PTPRG: variants seen among roughly 807,000 people sequenced by gnomAD.
The protein encoded by PTPRG is protein tyrosine phosphatase receptor type G.
In PTPRG, 102 loss-of-function variants were observed where a neutral mutation model predicts 165.3. That is an observed-to-expected ratio of 0.62 (90% confidence interval 0.53 to 0.73). PTPRG has a LOEUF of 0.73. Among genes scored for constraint, PTPRG ranks in the 30% least tolerant of loss-of-function variants. The pLI is 0.00. For missense variants in PTPRG, 1,866 were observed against 1,861.4 expected, an observed-to-expected ratio of 1.00 and a Z score of -0.05; for synonymous variants, 675 against 669.5, an observed-to-expected ratio of 1.01 and a Z score of -0.13.
chr3:61,953,233 G>GC (rs963073300), intron 2 of PTPRG, among the ~76,000 whole-genome samples: 6 of 151,986 alleles, frequency 3.9e-5, no homozygotes, highest in Non-Finnish European at 8.8e-5. Flanking sequence ...GGCTTTTCTT[G>GC]CCCCCAGCTA....
At chr3:61,633,513 T>A (rs1701823737) in intron 1 of PTPRG, among the ~76,000 whole-genome samples, 1 of 152,260 alleles carries the variant, frequency 6.6e-6, no homozygotes, top group Non-Finnish European at 1.5e-5. Flanking sequence ...AAAAATACGA[T>A]TGATTTTTTG....
At position 62,195,834 on chromosome 3, in the gene PTPRG, C is replaced by T. The variant is rs1432390952; in HGVS notation, c.1327+664C>T. Among the ~76,000 whole-genome samples, 1 of 152,046 alleles carries T rather than the reference C, an allele frequency of 6.6e-6. No homozygotes were observed. The highest frequency in any genetic ancestry group is 1.5e-5 in the Non-Finnish European group (1 of 68,014). On this transcript the variant is annotated intron_variant, in intron 10 of 29. Transcript: ENST00000474889. This position sits in a 1 kb window ranked among gnomAD's most constrained non-coding sequence, Gnocchi z 4.4. ...TTTGAGATGAAGTCTCGCTCTGTTG[C>T]CCAAGCTGGAGTGCAGTGGGGTGGT...
chr3:61,760,614 A>G (rs779770699), intron 2 of PTPRG, among the ~76,000 whole-genome samples: 15 of 152,020 alleles, frequency 9.9e-5, no homozygotes, highest in African/African-American at 3.6e-4. Context: ...TTTACATTTT[A>G]TTTTAAGTTC....
At chr3:61,706,791 G>GTATTAT (rs541054128) in intron 1 of PTPRG, among the ~76,000 whole-genome samples, 65 of 151,668 alleles carry the variant, frequency 4.3e-4, no homozygotes, top group Non-Finnish European at 9.1e-4. Flanking sequence ...TGCCCGGCCA[G>GTATTAT]TATTATTATT....
In PTPRG at chr3:62,002,685, T is replaced by C. The variant is rs142490281; in HGVS notation, c.371-664T>C. ...TCTTTGGATGGGTTAAGGGAAAATA[T>C]TTTTTTGCTTGAAAGTAAAAGAAAC... is the stretch of plus-strand genomic sequence containing the variant. On this transcript the variant is annotated intron_variant, in intron 3 of 29. Transcript: ENST00000474889. Among the ~76,000 whole-genome samples the C allele has an allele frequency of 6.0e-3, 912 of 152,268 alleles. 15 individuals carry two copies. The highest frequency in any genetic ancestry group is 0.021 in the African/African-American group (870 of 41,548).
chr3:61,895,889 T>G (rs932989935), intron 2 of PTPRG, among the ~76,000 whole-genome samples: 40 of 152,326 alleles, frequency 2.6e-4, no homozygotes, highest in African/African-American at 9.4e-4. Flanking sequence ...TTATTCAGAT[T>G]GTAGGTTCAC....
intron 12 of PTPRG, among the ~76,000 whole-genome samples, chr3:62,209,035 T>A (rs1238171660): frequency 6.6e-6 from 1 of 152,236 alleles, no homozygotes; most frequent in East Asian, 1.9e-4. Context: ...GATGCTGGCT[T>A]TGGCGCCAGT....
At chr3:61,795,768 T>C (rs939631629) in intron 2 of PTPRG, among the ~76,000 whole-genome samples, 23 of 152,228 alleles carry the variant, frequency 1.5e-4, no homozygotes, top group Admixed American at 7.9e-4. Flanking sequence ...ATTTTTATTA[T>C]TTTTAAGGCT....
intron 5 of PTPRG, among the ~76,000 whole-genome samples, chr3:62,104,667 G>A (rs982466242): frequency 1.3e-5 from 2 of 152,180 alleles, no homozygotes; most frequent in African/African-American, 4.8e-5. Flanking sequence ...TAGTGGACTT[G>A]AGCTTAACTC....
chr3:61,860,434 C>CTTTTTTTTTTTTTTTTTTT (rs766688465), intron 2 of PTPRG, among the ~76,000 whole-genome samples: 8 of 95,554 alleles, frequency 8.4e-5, no homozygotes, highest in African/African-American at 1.1e-4. Context: ...GTTTTTGTTC[C>CTTTTTTTTTTTTTTTTTTT]TTTTTTTTTT....
chr3:61,651,015 T>A (rs1289722606), intron 1 of PTPRG, among the ~76,000 whole-genome samples: 1 of 152,212 alleles, frequency 6.6e-6, no homozygotes, highest in Non-Finnish European at 1.5e-5. Context: ...CTGACTCTAA[T>A]GGCTCCGATA....
chr3:62,292,302 T>G (rs533196102), intron 28 of PTPRG, 119 bp from the exon 29 acceptor site: 1 of 1,125,898 alleles, frequency 8.9e-7, no homozygotes, highest in East Asian at 2.4e-5. Flanking sequence ...GTCGTGTCTT[T>G]AGAGTAAATG....
intron 1 of PTPRG, among the ~76,000 whole-genome samples, chr3:61,621,051 ATGTGTGTGTGTGTGTGTGTG>A (rs1173192341): frequency 1.2e-4 from 14 of 117,982 alleles, no homozygotes; most frequent in African/African-American, 1.8e-4. Context: ...ATATATATAT[ATGTGTGTGTGTGTGTGTGTG>A]TGTGTGTATA....
chr3:61,979,232 A>G (rs1034539238), intron 2 of PTPRG, among the ~76,000 whole-genome samples: 1 of 152,200 alleles, frequency 6.6e-6, no homozygotes, highest in Non-Finnish European at 1.5e-5. Context: ...AGAGTCCAAT[A>G]GTCTTTGCAC....
At chr3:62,159,134 G>T (rs1004809255) in intron 7 of PTPRG, among the ~76,000 whole-genome samples, 1 of 151,902 alleles carries the variant, frequency 6.6e-6, no homozygotes, top group Admixed American at 6.6e-5. Flanking sequence ...AGACCAGCCT[G>T]GGCAACATGG....
At chr3:61,621,051 A>ATATATATATATATATATGTGTGTGTG in intron 1 of PTPRG, among the ~76,000 whole-genome samples, 173 of 117,894 alleles carry the variant, frequency 1.5e-3, no homozygotes, top group South Asian at 5.6e-3. Context: ...ATATATATAT[A>ATATATATATATATATATGTGTGTGTG]TGTGTGTGTG....
intron 1 of PTPRG, among the ~76,000 whole-genome samples, chr3:61,603,838 A>G (rs890146779): frequency 6.6e-6 from 1 of 152,110 alleles, no homozygotes; most frequent in Non-Finnish European, 1.5e-5. Flanking sequence ...TCACATGCTC[A>G]TCCTACCATC....
rs1214446791 is a variant in PTPRG, at chr3:62,219,086, G to A, written c.2288+103G>A. The A allele has an allele frequency of 6.1e-6, 9 of 1,464,952 alleles. No individual in the cohort carries two copies. The highest frequency in any genetic ancestry group is 5.5e-6 in the Non-Finnish European group (6 of 1,081,248). 90.7% of individuals were successfully genotyped at this position (1,464,952 alleles called of 1,614,324 possible). The stretch of plus-strand genomic sequence containing the variant: ...CGGCCTCTGCATTCAGGAAGGTGAG[G>A]TAGCTTAAGTGTTTCTGGTCTTGCC... On this transcript the variant is annotated intron_variant, in intron 13 of 29. Coordinates refer to ENST00000474889, the MANE Select transcript of PTPRG (RefSeq NM_002841.4). The surrounding 1 kb of genome is among the most constrained non-coding windows in gnomAD (Gnocchi z 4.5).
intron 2 of PTPRG, among the ~76,000 whole-genome samples, chr3:61,819,480 T>A (rs906957407): frequency 7.9e-5 from 12 of 152,196 alleles, no homozygotes; most frequent in Admixed American, 7.9e-4. Context: ...CACAGTTTTG[T>A]GGCCCTGAAT....
Sources: allele counts gnomAD v4.1 joint callset (sites outside exome capture counted in the v4.1 genomes callset), GRCh38; gene constraint gnomAD v4.1.1; non-coding constraint Gnocchi (gnomAD v3.1); transcripts MANE v1.5; gene names NCBI Gene and HGNC (gene_info 2026-07-23, HGNC 2026-07-21).